TTC28: variants seen among roughly 807,000 people sequenced by gnomAD.
The protein encoded by TTC28 is tetratricopeptide repeat protein 28.
TTC28 carries 61 observed loss-of-function variants against 198.0 expected under a neutral mutation model. That is an observed-to-expected ratio of 0.31 (90% CI 0.25 to 0.38). The LOEUF is 0.38. Ranked by LOEUF, TTC28 falls within the 10% of genes least tolerant of loss-of-function variation. The pLI, the probability that TTC28 is intolerant of heterozygous loss-of-function variation, is 1.00. For synonymous variants in TTC28, 1,171 were observed against 1,297.8 expected (o/e 0.90, Z 2.10); for missense variants, 2,678 against 3,164.0 (o/e 0.85, Z 3.69).
intron 2 of TTC28, among the ~76,000 whole-genome samples, chr22:28,428,746 C>G (rs961289187): frequency 6.6e-6 from 1 of 151,976 alleles, no homozygotes; most frequent in Admixed American, 6.6e-5. Flanking sequence ...TCACGCCATT[C>G]TCCCGCCTCA....
At chr22:28,450,450 T>G (rs2146252518) in intron 2 of TTC28, among the ~76,000 whole-genome samples, 2 of 152,346 alleles carry the variant, frequency 1.3e-5, no homozygotes, top group African/African-American at 4.8e-5. Flanking sequence ...TGTACCTCAA[T>G]TTCTAACTCT....
In TTC28 at chr22:28,474,712, G is replaced by A. The variant is rs1277263045; in HGVS notation, c.381+154840C>T. ...ATTAGGCATTCTCTAAGTATATAGC[G>A]CAGCCAGATCACCATGTGATAAATA... On this transcript the variant is annotated intron_variant, in intron 2 of 22. Coordinates refer to ENST00000397906, the MANE Select transcript of TTC28 (RefSeq NM_001145418.2). Among the ~76,000 whole-genome samples the A allele has an allele frequency of 7.2e-5, 11 of 152,250 alleles. No homozygotes were observed. The South Asian group carries it at 8.3e-4, about 11-fold the overall frequency.
chr22:28,432,821 A>C (rs1358372043), intron 2 of TTC28, among the ~76,000 whole-genome samples: 1 of 152,174 alleles, frequency 6.6e-6, no homozygotes, highest in African/African-American at 2.4e-5. Flanking sequence ...AGTAACCTAA[A>C]GCTAATCCTC....
At chr22:28,647,102 T>C (rs1300299932) in intron 1 of TTC28, among the ~76,000 whole-genome samples, 1 of 152,146 alleles carries the variant, frequency 6.6e-6, no homozygotes, top group Non-Finnish European at 1.5e-5. Flanking sequence ...AACTGATCTT[T>C]GATAAAGCAT....
intron 2 of TTC28, among the ~76,000 whole-genome samples, chr22:28,605,431 T>C (rs1179104422): frequency 1.3e-5 from 2 of 152,222 alleles, no homozygotes; most frequent in Non-Finnish European, 2.9e-5. Context: ...ATACTTTTGT[T>C]TGTAGTTTTT....
At chr22:27,984,943 C>G (rs550277317) in intron 22 of TTC28, among the ~76,000 whole-genome samples, 1 of 152,198 alleles carries the variant, frequency 6.6e-6, no homozygotes, top group Non-Finnish European at 1.5e-5. Context: ...TCCGGTCAGG[C>G]CCTGTGGCCC....
chr22:28,190,629 A>G (rs1924641651), intron 5 of TTC28, among the ~76,000 whole-genome samples: 2 of 152,224 alleles, frequency 1.3e-5, no homozygotes, highest in African/African-American at 4.8e-5. Flanking sequence ...TTTCCTTGGA[A>G]ACAACAACAA....
At chr22:28,113,137 A>C (rs1942532883) in intron 6 of TTC28, among the ~76,000 whole-genome samples, 1 of 152,180 alleles carries the variant, frequency 6.6e-6, no homozygotes, top group Admixed American at 6.5e-5. Flanking sequence ...TGCACAAGCC[A>C]AGCAGAAAAA....
At chr22:28,083,075 T>TC (rs999759769) in intron 12 of TTC28, among the ~76,000 whole-genome samples, 7 of 152,030 alleles carry the variant, frequency 4.6e-5, no homozygotes, top group African/African-American at 1.7e-4. Context: ...TGATTCATTT[T>TC]TTTTTTTTTT....
intron 2 of TTC28, among the ~76,000 whole-genome samples, chr22:28,434,943 T>C (rs1404312483): frequency 6.6e-6 from 1 of 152,170 alleles, no homozygotes; most frequent in Non-Finnish European, 1.5e-5. Flanking sequence ...ATCTAAAATA[T>C]TACCTCTCAC....
chr22:28,140,742 A>AT (rs1328576900), intron 6 of TTC28, among the ~76,000 whole-genome samples: 2 of 152,240 alleles, frequency 1.3e-5, no homozygotes, highest in African/African-American at 2.4e-5. Context: ...AATATAATTA[A>AT]TTTTTATAAC....
chr22:28,457,924 T>C (rs1044732501), intron 2 of TTC28, among the ~76,000 whole-genome samples: 1 of 152,190 alleles, frequency 6.6e-6, no homozygotes, highest in Non-Finnish European at 1.5e-5. Flanking sequence ...TTTATAACTC[T>C]AAATGAAGTT....
intron 5 of TTC28, among the ~76,000 whole-genome samples, chr22:28,264,923 G>A (rs1200523332): frequency 1.3e-5 from 2 of 152,014 alleles, no homozygotes; most frequent in Non-Finnish European, 2.9e-5. Context: ...CAATAGTATC[G>A]AATATTAGGC....
intron 12 of TTC28, among the ~76,000 whole-genome samples, chr22:28,089,468 A>G (rs1378934642): frequency 6.6e-6 from 1 of 150,672 alleles, no homozygotes; most frequent in East Asian, 2.0e-4. Flanking sequence ...GAACAATGAG[A>G]ACACATGGAC....
At chr22:27,990,179 C>T in intron 20 of TTC28, 172 bp from the exon 21 acceptor site, 1 of 906,180 alleles carries the variant, frequency 1.1e-6, no homozygotes, top group East Asian at 3.0e-5. Context: ...GTCCTGCTGT[C>T]CTCTCTGTGG....
At chr22:28,331,122 T>C (rs1379919968) in intron 2 of TTC28, among the ~76,000 whole-genome samples, 1 of 151,984 alleles carries the variant, frequency 6.6e-6, no homozygotes, top group Admixed American at 6.6e-5. Flanking sequence ...TTCACACGAG[T>C]AATCTTATTT....
rs1244938404 is a variant in TTC28 at position 28,105,552 on chromosome 22, C to T, written c.3034G>A (p.Glu1012Lys). The stretch of plus-strand genomic sequence containing the variant: ...TGGTACTGCAGGGCTGTGTCATACT[C>T]CCCCATCTGCTGGTAAACGCCCCCC... ...GLGGVYQQMG[E>K]YDTALQYHQL... The change falls in exon 8 of 23, where the codon GAG becomes AAG. Residue 1012 changes from glutamate (E) to lysine (K), a missense_variant. By Grantham distance (56) the Glu-to-Lys change is moderately conservative. Coordinates refer to ENST00000397906, the MANE Select transcript of TTC28 (RefSeq NM_001145418.2). 2 of 1,551,714 alleles carry T rather than the reference C, an allele frequency of 1.3e-6. No homozygotes were observed. Among genetic ancestry groups the T allele is most frequent in the Non-Finnish European group, 1.7e-6 (2 of 1,147,006 alleles).
intron 2 of TTC28, among the ~76,000 whole-genome samples, chr22:28,359,513 A>T (rs893571055): frequency 6.6e-6 from 1 of 152,230 alleles, no homozygotes; most frequent in African/African-American, 2.4e-5. Context: ...TGAAGTTAGA[A>T]AATAAATGCC....
Position 28,159,847 on chromosome 22 carries a change from T to A in TTC28, c.1441+3245A>T, listed in dbSNP as rs189888013. Among the ~76,000 whole-genome samples the A allele has an allele frequency of 2.2e-4, 34 of 152,184 alleles. No individual in the cohort carries two copies. In the East Asian group the frequency reaches 3.7e-3, roughly 16 times the overall value. ...TCAACAGATGAACAGATAAAGAAAA[T>A]GTGGTACATATACACAATGGAGTAC... On this transcript the variant is annotated intron_variant, in intron 6 of 22. Coordinates refer to ENST00000397906, the MANE Select transcript of TTC28 (RefSeq NM_001145418.2).
Sources: gnomAD v4.1 joint callset for allele counts (sites outside exome capture counted in the v4.1 genomes callset) on GRCh38, gnomAD v4.1.1 for gene constraint, MANE v1.5 for transcripts, NCBI Gene and HGNC (gene_info 2026-07-23, HGNC 2026-07-21) for gene names.